The following EYA1 variants were observed in gnomAD, a reference collection of about 807,000 sequenced individuals.
EYA1 encodes the protein protein phosphatase EYA1.
EYA1 carries 16 observed loss-of-function variants against 82.0 expected under a neutral mutation model. The observed-to-expected ratio is 0.20, with a 90% CI of 0.13 to 0.30. The LOEUF (loss-of-function observed/expected upper bound fraction) is 0.30, where lower values mean the gene tolerates loss of function less well. Among genes scored for constraint, EYA1 ranks in the 10% least tolerant of loss-of-function variants. EYA1 has a pLI of 1.00. For synonymous variants in EYA1, 261 were observed against 264.4 expected (o/e 0.99, Z 0.12); for missense variants, 633 against 730.7 (o/e 0.87, Z 1.54).
chr8:71,332,029 T>A (rs1459881746), intron 4 of EYA1, among the ~76,000 whole-genome samples: 1 of 152,020 alleles, frequency 6.6e-6, no homozygotes, highest in Non-Finnish European at 1.5e-5. Context: ...TTAAAAATTA[T>A]TTTTTGTAGA....
chr8:71,491,289 T>C (rs935691401), intron 2 of EYA1, among the ~76,000 whole-genome samples: 1 of 152,144 alleles, frequency 6.6e-6, no homozygotes, highest in African/African-American at 2.4e-5. Flanking sequence ...AAAGGAGCAT[T>C]GTTTGAAGAG....
intron 4 of EYA1, among the ~76,000 whole-genome samples, chr8:71,330,562 C>T (rs73684750): frequency 0.053 from 8,120 of 152,174 alleles, 403 homozygotes; most frequent in African/African-American, 0.13. Flanking sequence ...CACTCCCCCA[C>T]ATTATTCATG....
At chr8:71,252,339 TA>T (rs902640294) in intron 11 of EYA1, among the ~76,000 whole-genome samples, 1 of 151,988 alleles carries the variant, frequency 6.6e-6, no homozygotes, top group African/African-American at 2.4e-5. Context: ...TTGTGCCTAC[TA>T]AAAAGTAAAG....
chr8:71,271,218 T>C (rs1563732491), intron 10 of EYA1, among the ~76,000 whole-genome samples: 1 of 152,252 alleles, frequency 6.6e-6, no homozygotes. Context: ...AGGCATGCAA[T>C]GCGAAATAAG....
chr8:71,347,840 G>C (rs574462770), intron 3 of EYA1, among the ~76,000 whole-genome samples: 1 of 133,350 alleles, frequency 7.5e-6, no homozygotes, highest in African/African-American at 2.7e-5. Context: ...GTGTTTGGTA[G>C]AGTCTGTCTA....
chr8:71,445,275 T>C (rs1421199751), intron 2 of EYA1, among the ~76,000 whole-genome samples: 1 of 152,184 alleles, frequency 6.6e-6, no homozygotes, highest in Non-Finnish European at 1.5e-5. Context: ...TGAGTTTTTC[T>C]AGCAAAGAGA....
At chr8:71,254,146 T>C (rs745493135) in intron 11 of EYA1, among the ~76,000 whole-genome samples, 27 of 148,544 alleles carry the variant, frequency 1.8e-4, no homozygotes, top group Non-Finnish European at 3.0e-4. Context: ...AAACATTCTG[T>C]AATGGACTGC....
chr8:71,244,483 C>T, intron 12 of EYA1, 120 bp downstream of exon 12: 1 of 640,048 alleles, frequency 1.6e-6, no homozygotes, highest in South Asian at 1.8e-5. Context: ...TGCCATATTA[C>T]CAACAAACCT....
Position 71,362,050 on chromosome 8 carries a change from AG to A in EYA1, c.-459del. 2.0e-6 allele frequency: 2 copies of A among 985,226 alleles called. No individual in the cohort carries two copies. The highest frequency in any genetic ancestry group is 4.7e-5 in the South Asian group (1 of 21,280). 61.0% of individuals were successfully genotyped at this position (985,226 alleles called of 1,614,324 possible). A position where few individuals can be genotyped will look rare whatever the true frequency, so the allele number is the denominator to read the frequency against. On this transcript the variant is annotated 5_prime_UTR_variant, in exon 1 of 18. An upstream open reading frame in the 5' UTR loses its in-frame stop. Coordinates refer to ENST00000340726, the MANE Select transcript of EYA1 (RefSeq NM_000503.6). The stretch of plus-strand genomic sequence containing the variant: ...CAGCGCTCCTTCCCCACCAAACAGC[AG>A]CGGCAGATAGCATCTGAGAACCCTA...
At chr8:71,371,682 A>T (rs1040971353) in intron 2 of EYA1, among the ~76,000 whole-genome samples, 4 of 152,328 alleles carry the variant, frequency 2.6e-5, no homozygotes, top group South Asian at 2.1e-4. Flanking sequence ...GGAAACAGAG[A>T]TCAAACAAAA....
chr8:71,467,674 A>T (rs1361232155), intron 2 of EYA1, among the ~76,000 whole-genome samples: 1 of 152,168 alleles, frequency 6.6e-6, no homozygotes, highest in African/African-American at 2.4e-5. Flanking sequence ...GGTTGAAAGC[A>T]TATCAAAATA....
At chr8:71,365,845 T>C (rs1272682887), upstream of EYA1, among the ~76,000 whole-genome samples, 1 of 152,186 alleles carries the variant, frequency 6.6e-6, no homozygotes, top group African/African-American at 2.4e-5. Flanking sequence ...ACATCCTCTA[T>C]TTATTTTAAG....
At chr8:71,252,295 T>C (rs2128918150) in intron 11 of EYA1, among the ~76,000 whole-genome samples, 1 of 152,098 alleles carries the variant, frequency 6.6e-6, no homozygotes, top group Non-Finnish European at 1.5e-5. Flanking sequence ...TGTGAGAATC[T>C]TGGTAAATTC....
chr8:71,411,883 A>G (rs982725975), intron 2 of EYA1, among the ~76,000 whole-genome samples: 46 of 150,342 alleles, frequency 3.1e-4, no homozygotes, highest in African/African-American at 1.1e-3. Flanking sequence ...TACTGGGTAT[A>G]TACCCAAATG....
intron 9 of EYA1, among the ~76,000 whole-genome samples, chr8:71,293,975 A>AAT (rs550487013): frequency 5.6e-4 from 85 of 151,622 alleles, no homozygotes; most frequent in African/African-American, 1.8e-3. Context: ...GGAAGGAAGA[A>AAT]ATATAACTGT....
intron 2 of EYA1, among the ~76,000 whole-genome samples, chr8:71,424,312 T>A (rs1157775713): frequency 6.6e-6 from 1 of 152,168 alleles, no homozygotes; most frequent in Non-Finnish European, 1.5e-5. Flanking sequence ...AACATCTGAG[T>A]CAAAATTCAA....
intron 2 of EYA1, among the ~76,000 whole-genome samples, chr8:71,407,433 G>A (rs538922512): frequency 0.071 from 10,536 of 147,984 alleles, 1,035 homozygotes; most frequent in African/African-American, 0.23. Context: ...TCTGAGCTAC[G>A]GGAGGACATT....
chr8:71,481,926 T>A (rs891975030), intron 2 of EYA1, among the ~76,000 whole-genome samples: 2 of 152,152 alleles, frequency 1.3e-5, no homozygotes, highest in Non-Finnish European at 2.9e-5. Context: ...GAAAGCAAGT[T>A]GAATCAAACA....
chr8:71,273,540 A>G (rs542896142), intron 9 of EYA1, among the ~76,000 whole-genome samples: 41 of 152,222 alleles, frequency 2.7e-4, no homozygotes, highest in Non-Finnish European at 5.3e-4. Context: ...AAATGAGTAG[A>G]ATTTTAAGTA....
Sources: gnomAD v4.1 joint callset for allele counts (sites outside exome capture counted in the v4.1 genomes callset) on GRCh38, gnomAD v4.1.1 for gene constraint, MANE v1.5 for transcripts, NCBI Gene and HGNC (gene_info 2026-07-23, HGNC 2026-07-21) for gene names.